The following CNTNAP5 variants were observed in gnomAD, a reference collection of about 807,000 sequenced individuals.
CNTNAP5 encodes contactin associated protein family member 5.
CNTNAP5 carries 72 observed loss-of-function variants against 150.2 expected under a neutral mutation model. The observed-to-expected ratio is 0.48, with a 90% CI of 0.40 to 0.58. The LOEUF (loss-of-function observed/expected upper bound fraction) is 0.58. CNTNAP5 is among the 20% of genes least tolerant of loss of function. The pLI is 0.00. For missense variants in CNTNAP5, 1,636 were observed against 1,626.2 expected, an observed-to-expected ratio of 1.01 and a Z score of -0.10; for synonymous variants, 672 against 619.8, an observed-to-expected ratio of 1.08 and a Z score of -1.25.
At chr2:124,747,491 G>A in intron 14 of CNTNAP5, 106 bp downstream of exon 14, 1 of 1,311,874 alleles carries the variant, frequency 7.6e-7, no homozygotes, top group Non-Finnish European at 1.1e-6. Flanking sequence ...ATACAAACTG[G>A]AGCTCCCCCG....
chr2:124,603,433 G>A (rs1383890025), intron 11 of CNTNAP5, among the ~76,000 whole-genome samples: 1 of 152,150 alleles, frequency 6.6e-6, no homozygotes, highest in African/African-American at 2.4e-5. Context: ...ATGAGTTCAG[G>A]TGTTAATTGA....
intron 12 of CNTNAP5, among the ~76,000 whole-genome samples, chr2:124,647,408 A>T (rs1338366715): frequency 6.6e-6 from 1 of 152,118 alleles, no homozygotes; most frequent in African/African-American, 2.4e-5. Flanking sequence ...TAACTGTGGG[A>T]TATTGGGTGA....
chr2:124,084,763 G>A (rs936930440), intron 1 of CNTNAP5, among the ~76,000 whole-genome samples: 15 of 151,474 alleles, frequency 9.9e-5, no homozygotes, highest in African/African-American at 3.4e-4. Context: ...TTAAATAAAC[G>A]GTGACATATT....
chr2:124,341,516 A>T (rs1011318822), intron 3 of CNTNAP5, among the ~76,000 whole-genome samples: 5 of 152,176 alleles, frequency 3.3e-5, no homozygotes, highest in Non-Finnish European at 5.9e-5. Flanking sequence ...ATCTCATTAA[A>T]CAAGCCTTCC....
At chr2:124,045,977 G>C (rs1213951618) in intron 1 of CNTNAP5, among the ~76,000 whole-genome samples, 1 of 152,134 alleles carries the variant, frequency 6.6e-6, no homozygotes, top group Non-Finnish European at 1.5e-5. Flanking sequence ...CTTGGATAAA[G>C]GTATTTATAT....
chr2:124,708,667 A>G (rs1486760744), intron 13 of CNTNAP5, among the ~76,000 whole-genome samples: 1 of 152,186 alleles, frequency 6.6e-6, no homozygotes, highest in East Asian at 1.9e-4. Context: ...ATTCCAGAGT[A>G]AGGATGCTAC....
chr2:124,521,437 C>G (rs902654335), intron 8 of CNTNAP5, among the ~76,000 whole-genome samples: 12 of 152,134 alleles, frequency 7.9e-5, no homozygotes, highest in African/African-American at 2.9e-4. Flanking sequence ...TATGTGAAAA[C>G]TTGAAAGAGA....
chr2:124,493,939 G>C (rs1341337140), intron 7 of CNTNAP5, among the ~76,000 whole-genome samples: 1 of 139,890 alleles, frequency 7.1e-6, no homozygotes, highest in East Asian at 2.3e-4. Context: ...AAAAAAAGTA[G>C]TTTGGAGACA....
chr2:124,902,115 G>A (rs1317381139), intron 21 of CNTNAP5, among the ~76,000 whole-genome samples: 30 of 152,118 alleles, frequency 2.0e-4, no homozygotes, highest in Admixed American at 2.0e-3. Context: ...CATCATAGCA[G>A]TTTGTTCAAT....
At chr2:124,208,082 A>C (rs1685909361) in intron 1 of CNTNAP5, among the ~76,000 whole-genome samples, 1 of 152,176 alleles carries the variant, frequency 6.6e-6, no homozygotes, top group South Asian at 2.1e-4. Context: ...GCCTGTCCCC[A>C]AAAAATCATT....
chr2:124,122,605 G>A (rs1318817291), intron 1 of CNTNAP5, among the ~76,000 whole-genome samples: 2 of 152,126 alleles, frequency 1.3e-5, no homozygotes. Context: ...AGAAGCACAA[G>A]CATGTGATGA....
intron 6 of CNTNAP5, among the ~76,000 whole-genome samples, chr2:124,458,448 C>T (rs933718459): frequency 5.9e-5 from 9 of 151,462 alleles, no homozygotes; most frequent in South Asian, 2.1e-4. Context: ...TGTTCCTACT[C>T]GTATGTGGTT....
chr2:124,509,881 A>T (rs1299300236), intron 8 of CNTNAP5, among the ~76,000 whole-genome samples: 1 of 152,156 alleles, frequency 6.6e-6, no homozygotes, highest in East Asian at 1.9e-4. Context: ...TTCACACTAG[A>T]TTGGAAGTCT....
intron 12 of CNTNAP5, among the ~76,000 whole-genome samples, chr2:124,631,298 G>A (rs916581776): frequency 6.6e-6 from 1 of 152,064 alleles, no homozygotes; most frequent in African/African-American, 2.4e-5. Flanking sequence ...CAAAGCTGGA[G>A]GTATCATGCT....
At chr2:124,401,920 C>T (rs1227993009) in intron 3 of CNTNAP5, among the ~76,000 whole-genome samples, 1 of 152,122 alleles carries the variant, frequency 6.6e-6, no homozygotes, top group African/African-American at 2.4e-5. Context: ...GGGAGAGTCA[C>T]TTAATGGAAG....
intron 10 of CNTNAP5, among the ~76,000 whole-genome samples, chr2:124,540,400 T>G (rs1695349837): frequency 6.6e-6 from 1 of 152,202 alleles, no homozygotes; most frequent in African/African-American, 2.4e-5. Context: ...GCTGTGTATG[T>G]GTTCACATGC....
chr2:124,753,608 T>G (rs926813605), intron 14 of CNTNAP5, among the ~76,000 whole-genome samples: 9 of 152,332 alleles, frequency 5.9e-5, no homozygotes, highest in African/African-American at 2.2e-4. Flanking sequence ...TACCATCATA[T>G]ATTCCAGGTT....
At chr2:124,037,199 C>T (rs982853049) in intron 1 of CNTNAP5, among the ~76,000 whole-genome samples, 8 of 152,152 alleles carry the variant, frequency 5.3e-5, no homozygotes, top group African/African-American at 1.9e-4. Flanking sequence ...TTTTTGTGGC[C>T]AGGCTTCATG....
At chr2:124,458,350 G>A (rs991014699) in intron 6 of CNTNAP5, among the ~76,000 whole-genome samples, 1 of 109,866 alleles carries the variant, frequency 9.1e-6, no homozygotes, top group African/African-American at 3.4e-5. Context: ...AAAAAGGAAT[G>A]AATTAATGTC....
Sources: gnomAD v4.1 joint callset for allele counts (sites outside exome capture counted in the v4.1 genomes callset) on GRCh38, gnomAD v4.1.1 for gene constraint, MANE v1.5 for transcripts, NCBI Gene and HGNC (gene_info 2026-07-23, HGNC 2026-07-21) for gene names.